Variants in PARP16 observed in about 807,000 individuals in gnomAD.
The protein encoded by PARP16 is protein mono-ADP-ribosyltransferase PARP16.
PARP16 carries 31 observed loss-of-function variants against 35.0 expected under a neutral mutation model. The observed-to-expected ratio is 0.88, with a 90% CI of 0.66 to 1.19. The LOEUF is 1.19. Ranked by LOEUF, PARP16 falls within the 50% of genes most tolerant of loss-of-function variation. The probability of loss-of-function intolerance (pLI) is 0.00; values close to 1 mark genes in which losing one functional copy is unlikely to be tolerated. For missense variants in PARP16, 424 were observed against 411.2 expected (o/e 1.03, Z -0.27); for synonymous variants, 162 against 169.5 (o/e 0.96, Z 0.34).
chr15:65,235,010 G>A (rs923909093), intron 3 of PARP16, among the ~76,000 whole-genome samples: 3 of 152,114 alleles, frequency 2.0e-5, no homozygotes, highest in Non-Finnish European at 4.4e-5. Context: ...AAAGGGGTGG[G>A]GGAGAGGGAT....
chr15:65,263,286 C>T lies in PARP16; in HGVS notation c.554G>A (p.Ser185Asn), dbSNP rs1362482589. 2.5e-6 allele frequency: 4 copies of T among 1,608,834 alleles called. No homozygotes were observed. Among genetic ancestry groups the T allele is most frequent in the Admixed American group, 3.4e-5 (2 of 59,048 alleles). ...SLFGEGTYLT[S>N]DLSLALIYSP... Reference sequence around the variant, plus strand: ...GTATATGAGGGCCAGGCTCAAGTCACTGGTGAGGTAGGTCCCCTCTCCGAA... The same window carrying T: ...GTATATGAGGGCCAGGCTCAAGTCATTGGTGAGGTAGGTCCCCTCTCCGAA... The change falls in exon 4 of 6, where the codon AGT (serine) becomes AAT (asparagine). Residue 185 changes from serine to asparagine, a missense_variant. Physicochemically the swap from Ser to Asn is conservative, Grantham distance 46 (BLOSUM62 1). Coordinates refer to ENST00000649807, the MANE Select transcript of PARP16 (RefSeq NM_001316943.2).
chr15:65,285,871 T>G (rs2090577333), intron 1 of PARP16, among the ~76,000 whole-genome samples: 1 of 152,136 alleles, frequency 6.6e-6, no homozygotes, highest in South Asian at 2.1e-4. Flanking sequence ...TTTGGTGACT[T>G]TTTGGTGTCT....
At chr15:65,232,902 AAAACAAAACAAAAC>A (rs938902903), downstream of PARP16, among the ~76,000 whole-genome samples, 29 of 6,360 alleles carry the variant, frequency 4.6e-3, no homozygotes, top group East Asian at 0.5. Context: ...TACAAAAAAC[AAAACAAAACAAAAC>A]AAACAAAAAA....
At chr15:65,247,798 CTTTTTTTTTT>C (rs930896140) in intron 3 of PARP16, among the ~76,000 whole-genome samples, 2 of 90,986 alleles carry the variant, frequency 2.2e-5, no homozygotes, top group African/African-American at 8.7e-5. Context: ...ATGGATTGTT[CTTTTTTTTTT>C]TTTTTTTTTT....
At chr15:65,267,801 T>A (rs1386195099) in intron 2 of PARP16, among the ~76,000 whole-genome samples, 1 of 146,644 alleles carries the variant, frequency 6.8e-6, no homozygotes, top group Non-Finnish European at 1.5e-5. Context: ...AGCAATTCTC[T>A]GCCTCAGCCT....
intron 1 of PARP16, among the ~76,000 whole-genome samples, chr15:65,279,480 T>TA (rs1267756359): frequency 6.6e-6 from 1 of 152,146 alleles, no homozygotes; most frequent in Admixed American, 6.5e-5. Flanking sequence ...CATTAGCTGA[T>TA]ATCTTTCTAG....
At chr15:65,264,433 C>A (rs1481703446) in intron 3 of PARP16, among the ~76,000 whole-genome samples, 2 of 152,206 alleles carry the variant, frequency 1.3e-5, no homozygotes, top group East Asian at 3.8e-4. Flanking sequence ...ACTTGAATAG[C>A]TCACTGAAGA....
intron 1 of PARP16, among the ~76,000 whole-genome samples, chr15:65,282,917 T>G (rs2090463315): frequency 6.6e-6 from 1 of 152,194 alleles, no homozygotes; most frequent in South Asian, 2.1e-4. Flanking sequence ...GCACTTTTAC[T>G]TTACTGGTAT....
At chr15:65,234,190 G>A (rs781763034), downstream of PARP16, among the ~76,000 whole-genome samples, 12 of 152,156 alleles carry the variant, frequency 7.9e-5, no homozygotes, top group Non-Finnish European at 1.3e-4. Context: ...TGTTGCCCAG[G>A]TTGGTCTTGA....
At chr15:65,248,769 A>T (rs2089281282) in intron 2 of PARP16, among the ~76,000 whole-genome samples, 1 of 152,082 alleles carries the variant, frequency 6.6e-6, no homozygotes, top group African/African-American at 2.4e-5. Flanking sequence ...CCTTTTGCAG[A>T]CTGGCTGAAA....
intron 3 of PARP16, among the ~76,000 whole-genome samples, chr15:65,240,845 T>G (rs1260846197): frequency 6.6e-6 from 1 of 152,166 alleles, no homozygotes; most frequent in East Asian, 1.9e-4. Context: ...CTATTTTTAT[T>G]GTTTTGAGAC....
At chr15:65,247,808 T>C (rs2089249039) in intron 3 of PARP16, among the ~76,000 whole-genome samples, 1 of 147,868 alleles carries the variant, frequency 6.8e-6, no homozygotes. Context: ...CTTTTTTTTT[T>C]TTTTTTTTTT....
chr15:65,284,766 C>A (rs1197424536), intron 1 of PARP16, among the ~76,000 whole-genome samples: 1 of 151,132 alleles, frequency 6.6e-6, no homozygotes, highest in East Asian at 2.0e-4. Context: ...CCAGCTACGT[C>A]CAGAGTTTTC....
At chr15:65,240,326 GT>G in intron 3 of PARP16, among the ~76,000 whole-genome samples, 1 of 105,888 alleles carries the variant, frequency 9.4e-6, no homozygotes, top group Non-Finnish European at 2.1e-5. Flanking sequence ...GGGGGCTAGT[GT>G]GTGTGTGTGT....
chr15:65,235,104 A>C (rs1262214687), intron 3 of PARP16, among the ~76,000 whole-genome samples: 1 of 152,022 alleles, frequency 6.6e-6, no homozygotes, highest in East Asian at 1.9e-4. Flanking sequence ...ATGTAACAAA[A>C]CTGCACGTTG....
At chr15:65,276,413 A>T (rs2090256879) in intron 1 of PARP16, among the ~76,000 whole-genome samples, 1 of 152,072 alleles carries the variant, frequency 6.6e-6, no homozygotes, top group South Asian at 2.1e-4. Context: ...TCACTCTGTC[A>T]CCCAGGCTGG....
At position 65,266,746 on chromosome 15, in the gene PARP16, G is replaced by T. The variant is rs781660867; in HGVS notation, c.335C>A (p.Thr112Asn). Residue 112 changes from threonine to asparagine, a missense_variant, in exon 3 of 6, where the codon ACT (threonine) becomes AAT (asparagine). Transcript: ENST00000649807. ...KAEFEKIQKL[T>N]GAPHTPVPAP... ...AGGAACAGGCGTGTGAGGAGCCCCAGTCAGCTTTTGGATCTTTTCAAACTT... is the reference window on the plus strand; with the variant it reads ...AGGAACAGGCGTGTGAGGAGCCCCATTCAGCTTTTGGATCTTTTCAAACTT... 1 of 1,613,912 alleles carries T rather than the reference G, an allele frequency of 6.2e-7. No individual in the cohort carries two copies. Among genetic ancestry groups the T allele is most frequent in the East Asian group, 2.2e-5 (1 of 44,882 alleles).
At chr15:65,239,942 C>T (rs1354783411) in intron 3 of PARP16, among the ~76,000 whole-genome samples, 2 of 113,872 alleles carry the variant, frequency 1.8e-5, no homozygotes, top group African/African-American at 3.6e-5. Context: ...AGGCGTGAGC[C>T]ACCGCGTCTG....
chr15:65,261,416 T>C (rs2089711664), intron 4 of PARP16, among the ~76,000 whole-genome samples: 1 of 148,122 alleles, frequency 6.8e-6, no homozygotes. Context: ...ATATATAAAA[T>C]GCCTGTTAAG....
Sources: allele counts gnomAD v4.1 joint callset (sites outside exome capture counted in the v4.1 genomes callset), GRCh38; gene constraint gnomAD v4.1.1; transcripts MANE v1.5; gene names NCBI Gene and HGNC (gene_info 2026-07-23, HGNC 2026-07-21).